COL9A1: variants seen among roughly 807,000 people sequenced by gnomAD.
The protein encoded by COL9A1 is collagen alpha-1(IX) chain.
A neutral mutation model predicts 142.6 loss-of-function variants in COL9A1; 104 were observed. That is an observed-to-expected ratio of 0.73 (90% CI 0.62 to 0.86). The LOEUF (loss-of-function observed/expected upper bound fraction) is 0.86. Ranked by LOEUF, COL9A1 falls within the 40% of genes least tolerant of loss-of-function variation. COL9A1 has a pLI of 0.00. For missense variants in COL9A1, 1,210 were observed against 1,176.6 expected (o/e 1.03, Z -0.42); for synonymous variants, 466 against 396.0 (o/e 1.18, Z -2.10).
rs112486402 is a variant in COL9A1 at position 70,298,951 on chromosome 6, C to G, written c.299+1092G>C. ...CCATTCTGCCTGGGATTCAGTCCTT[C>G]CAGCACATTCCAACCCACTCACCTT... On this transcript the variant is annotated intron_variant, in intron 4 of 37. Transcript: ENST00000357250. Among the ~76,000 whole-genome samples the G allele has an allele frequency of 1.4e-3, 207 of 152,198 alleles. 1 individual carries two copies. Among genetic ancestry groups the G allele is most frequent in the African/African-American group, 4.8e-3 (200 of 41,532 alleles).
chr6:70,294,631 C>T (rs1245766795), intron 4 of COL9A1, 68 bp from the exon 5 acceptor site: 1 of 1,441,026 alleles, frequency 6.9e-7, no homozygotes, highest in East Asian at 2.4e-5. Context: ...TACCACATTC[C>T]CTTTTGAGGC....
rs770341260 is a variant in COL9A1 at position 70,268,876 on chromosome 6, G to A, written c.1231-16C>T. On this transcript the variant is annotated splice_polypyrimidine_tract_variant and intron_variant, in intron 16 of 37. Transcript: ENST00000357250. ...CATTGGGACACTGCCAGGGAGAGAG[G>A]GAACAAAGAGAAAGAAAGACAGACA... The A allele has an allele frequency of 1.2e-6, 2 of 1,613,112 alleles. No individual in the cohort carries two copies. The highest frequency in any genetic ancestry group is 1.7e-6 in the Non-Finnish European group (2 of 1,179,404).
chr6:70,220,391 T>G (rs1250104692), intron 37 of COL9A1, among the ~76,000 whole-genome samples: 1 of 2,718 alleles, frequency 3.7e-4, no homozygotes, highest in Non-Finnish European at 0.014. Flanking sequence ...TGTGGCAGGG[T>G]GTGTGTGTGT....
At chr6:70,283,566 A>G (rs62420260) in intron 6 of COL9A1, among the ~76,000 whole-genome samples, 171 bp downstream of exon 6, 2 of 152,178 alleles carry the variant, frequency 1.3e-5, no homozygotes, top group African/African-American at 2.4e-5. Context: ...GGTCGAAAGT[A>G]TGAAGTGTAC....
intron 2 of COL9A1, 42 bp from the exon 3 acceptor site, chr6:70,300,428 A>G (rs944093779): frequency 2.9e-5 from 30 of 1,051,248 alleles, no homozygotes; most frequent in Non-Finnish European, 4.0e-5. Context: ...ATCCACTCTA[A>G]CTTAAAGTAT....
intron 20 of COL9A1, among the ~76,000 whole-genome samples, chr6:70,259,876 G>C (rs570741360): frequency 6.6e-6 from 1 of 152,116 alleles, no homozygotes; most frequent in Non-Finnish European, 1.5e-5. Flanking sequence ...CTAAGGGCAG[G>C]CTAGTGTCCT....
At chr6:70,299,481 T>C (rs951877283) in intron 4 of COL9A1, among the ~76,000 whole-genome samples, 2 of 152,198 alleles carry the variant, frequency 1.3e-5, no homozygotes, top group African/African-American at 2.4e-5. Flanking sequence ...ACCTCAGTTT[T>C]AAATAAAGAG....
chr6:70,221,697 G>A (rs990007591), intron 37 of COL9A1, among the ~76,000 whole-genome samples: 1 of 152,164 alleles, frequency 6.6e-6, no homozygotes, highest in African/African-American at 2.4e-5. Flanking sequence ...CAAATGATTT[G>A]TCATTTAATT....
chr6:70,298,668 G>A (rs1333198548), intron 4 of COL9A1, among the ~76,000 whole-genome samples: 1 of 152,148 alleles, frequency 6.6e-6, no homozygotes, highest in East Asian at 1.9e-4. Context: ...CTGAACTTAA[G>A]AGTTAATGAC....
At chr6:70,237,788 A>ATGTCTAT (rs1770006365) in intron 33 of COL9A1, among the ~76,000 whole-genome samples, 1 of 152,372 alleles carries the variant, frequency 6.6e-6, no homozygotes, top group South Asian at 2.1e-4. Flanking sequence ...TAGTGTTTAG[A>ATGTCTAT]GGCAGGTAAG....
At chr6:70,234,471 T>C (rs1286222041) in intron 35 of COL9A1, 68 bp downstream of exon 35, 1 of 1,522,490 alleles carries the variant, frequency 6.6e-7, no homozygotes. Context: ...CTTGTGTATC[T>C]ACAAGAATAA....
Position 70,279,825 on chromosome 6 carries a change from C to A in COL9A1, c.975+987G>T. The A allele has an allele frequency of 6.1e-6, 3 of 489,626 alleles. No homozygotes were observed. The South Asian group carries it at 1.6e-4, about 26-fold the overall frequency. The allele number at this position is 489,626 out of a possible 1,614,324, so 30.3% of individuals were successfully genotyped here. A position where few individuals can be genotyped will look rare whatever the true frequency, so the allele number is the denominator to read the frequency against. On this transcript the variant is annotated intron_variant, in intron 10 of 37. Transcript: ENST00000357250. The stretch of plus-strand genomic sequence containing the variant: ...TGAAGGATATGTCTTAAACTGTAGT[C>A]AAAAATTCTTGGAAATCATAATTAT...
chr6:70,269,164 G>T (rs532628673), intron 16 of COL9A1, among the ~76,000 whole-genome samples: 8 of 152,162 alleles, frequency 5.3e-5, no homozygotes, highest in African/African-American at 1.9e-4. Flanking sequence ...ATTTATTAAG[G>T]AAAATATGTT....
intron 19 of COL9A1, among the ~76,000 whole-genome samples, chr6:70,262,541 T>C (rs188531169): frequency 4.6e-5 from 7 of 152,346 alleles, no homozygotes; most frequent in African/African-American, 1.7e-4. Flanking sequence ...TCGTCTTCTA[T>C]AGAGTCTATA....
chr6:70,302,161 T>A (rs1774090495), intron 1 of COL9A1, 87 bp from the exon 2 acceptor site: 2 of 702,812 alleles, frequency 2.8e-6, no homozygotes, highest in Admixed American at 4.7e-5. Flanking sequence ...TAAACCTAAT[T>A]AATGTAAGGT....
Position 70,228,423 on chromosome 6 carries a change from G to A in COL9A1, c.2504-2414C>T, listed in dbSNP as rs139845897. On this transcript the variant is annotated intron_variant, in intron 36 of 37. Transcript: ENST00000357250. ...GTTGAAGGCATTATCCCATTATTCC[G>A]GTAGTACAGTAGTATATCATTATTC... Among the ~76,000 whole-genome samples the A allele has an allele frequency of 4.6e-3, 697 of 152,154 alleles. 5 individuals are homozygous for A. The highest frequency in any genetic ancestry group is 0.014 in the African/African-American group (576 of 41,520).
At chr6:70,236,459 G>A (rs1235162368) in intron 33 of COL9A1, among the ~76,000 whole-genome samples, 1 of 152,206 alleles carries the variant, frequency 6.6e-6, no homozygotes, top group Middle Eastern at 3.2e-3. Flanking sequence ...ACACGAGGCA[G>A]CAAGGGAATG....
chr6:70,272,556 T>C (rs1583306655), intron 12 of COL9A1, among the ~76,000 whole-genome samples: 1 of 152,042 alleles, frequency 6.6e-6, no homozygotes, highest in African/African-American at 2.4e-5. Context: ...CAAAAAAGGG[T>C]CAGAAACACA....
At position 70,261,161 on chromosome 6, in the gene COL9A1, G is replaced by A. The variant is rs113676268; in HGVS notation, c.1396-451C>T. 561 of 169,090 alleles carry A rather than the reference G, an allele frequency of 3.3e-3. 4 individuals are homozygous for A. Among genetic ancestry groups the A allele is most frequent in the African/African-American group, 0.013 (531 of 41,624 alleles). 10.5% of individuals were successfully genotyped at this position (169,090 alleles called of 1,614,324 possible). A position where few individuals can be genotyped will look rare whatever the true frequency, so the allele number is the denominator to read the frequency against. On this transcript the variant is annotated intron_variant, in intron 19 of 37. Coordinates refer to ENST00000357250, the MANE Select transcript of COL9A1 (RefSeq NM_001851.6). ...GCAGTAGGTTCCCAGGCTAGCCCACGAAAGCCTATAACCTAGAAAGGAGCT... is the reference window on the plus strand; with the variant it reads ...GCAGTAGGTTCCCAGGCTAGCCCACAAAAGCCTATAACCTAGAAAGGAGCT...
Sources: gnomAD v4.1 joint callset for allele counts (sites outside exome capture counted in the v4.1 genomes callset) on GRCh38, gnomAD v4.1.1 for gene constraint, MANE v1.5 for transcripts, NCBI Gene and HGNC (gene_info 2026-07-23, HGNC 2026-07-21) for gene names.